Variants in XKR9 observed in about 807,000 individuals in gnomAD.
The protein encoded by XKR9 is XK related 9.
Under a neutral mutation model 32.0 loss-of-function variants are expected in XKR9, and 32 were observed. The ratio of observed to expected loss-of-function variants is 1.00; its 90% confidence interval spans 0.76 to 1.34. The LOEUF (loss-of-function observed/expected upper bound fraction) is 1.34, where lower values mean the gene tolerates loss of function less well. Ranked by LOEUF, XKR9 falls within the 40% of genes most tolerant of loss-of-function variation. The probability of loss-of-function intolerance (pLI) is 0.00; values close to 1 mark genes in which losing one functional copy is unlikely to be tolerated. For synonymous variants in XKR9, 168 were observed against 143.4 expected, an observed-to-expected ratio of 1.17 and a Z score of -1.22; for missense variants, 546 against 429.7, an observed-to-expected ratio of 1.27 and a Z score of -2.39.
the XKR9 span, among the ~76,000 whole-genome samples, chr8:70,972,698 T>C: frequency 6.6e-6 from 1 of 152,130 alleles, no homozygotes; most frequent in Non-Finnish European, 1.5e-5. Context: ...GTCAAATGCT[T>C]TTTCTGTGTC....
At chr8:70,771,689 C>G (rs1807455822) in intron 2 of XKR9, among the ~76,000 whole-genome samples, 1 of 152,074 alleles carries the variant, frequency 6.6e-6, no homozygotes, top group South Asian at 2.1e-4. Flanking sequence ...AAAATGTGGC[C>G]TATGTTCTTT....
intron 4 of XKR9, among the ~76,000 whole-genome samples, chr8:70,720,816 A>G (rs1806254131): frequency 6.6e-6 from 1 of 152,184 alleles, no homozygotes; most frequent in African/African-American, 2.4e-5. Context: ...GCTTGCCTAT[A>G]AAATGAGTTA....
chr8:70,701,512 A>G (rs1284062863), intron 3 of XKR9, among the ~76,000 whole-genome samples: 2 of 152,174 alleles, frequency 1.3e-5, no homozygotes, highest in Admixed American at 1.3e-4. Flanking sequence ...TGGCCACTTC[A>G]CATCCCCACC....
intron 4 of XKR9, among the ~76,000 whole-genome samples, chr8:70,725,557 T>C (rs1414914732): frequency 6.6e-6 from 1 of 152,128 alleles, no homozygotes; most frequent in Non-Finnish European, 1.5e-5. Context: ...CCATTTTTCT[T>C]ATATACTCTG....
At chr8:70,814,538 G>T in the XKR9 span, among the ~76,000 whole-genome samples, 1 of 151,254 alleles carries the variant, frequency 6.6e-6, no homozygotes, top group Non-Finnish European at 1.5e-5. Flanking sequence ...AGAAACATTT[G>T]ACAAATTACA....
downstream of XKR9, among the ~76,000 whole-genome samples, chr8:70,738,384 C>T (rs904140876): frequency 6.8e-5 from 10 of 147,956 alleles, no homozygotes; most frequent in Non-Finnish European, 9.1e-5. Context: ...GTCTTGCTAG[C>T]GGTCTATCAA....
At chr8:70,789,529 CA>C (rs1476655327) in intron 3 of XKR9, 1 of 151,852 alleles carries the variant, frequency 6.6e-6, no homozygotes, top group East Asian at 1.9e-4. Context: ...CACAGTGGTA[CA>C]AAAGAATGAA....
chr8:70,755,074 A>G (rs1807199934), intron 2 of XKR9, among the ~76,000 whole-genome samples: 1 of 152,186 alleles, frequency 6.6e-6, no homozygotes, highest in Non-Finnish European at 1.5e-5. Flanking sequence ...CAAGAAAAAA[A>G]CAACCCCATC....
At chr8:70,782,770 A>G (rs1217444275) in intron 2 of XKR9, among the ~76,000 whole-genome samples, 1 of 152,094 alleles carries the variant, frequency 6.6e-6, no homozygotes, top group African/African-American at 2.4e-5. Context: ...TTTTTAAAAG[A>G]CTGAATAGTA....
the XKR9 span, among the ~76,000 whole-genome samples, chr8:70,946,028 G>A: frequency 1.3e-5 from 2 of 152,096 alleles, no homozygotes; most frequent in Non-Finnish European, 2.9e-5. Flanking sequence ...CCAGCTACTC[G>A]GGAGGCTGAG....
chr8:70,983,447 G>T, the XKR9 span, among the ~76,000 whole-genome samples: 1 of 152,154 alleles, frequency 6.6e-6, no homozygotes, highest in Non-Finnish European at 1.5e-5. Flanking sequence ...TGCTCATTAA[G>T]CTCTCCCCAG....
At chr8:70,798,076 G>C in the XKR9 span, among the ~76,000 whole-genome samples, 2 of 152,134 alleles carry the variant, frequency 1.3e-5, no homozygotes, top group Non-Finnish European at 2.9e-5. Flanking sequence ...CTCAGTAATG[G>C]GATTTCTGGG....
the XKR9 span, among the ~76,000 whole-genome samples, chr8:70,945,125 A>G: frequency 3.3e-5 from 5 of 152,234 alleles, no homozygotes; most frequent in African/African-American, 1.2e-4. Context: ...TTACACTGTA[A>G]TACTTTATCA....
chr8:70,893,096 T>G, the XKR9 span, among the ~76,000 whole-genome samples: 9 of 152,170 alleles, frequency 5.9e-5, no homozygotes, highest in African/African-American at 2.2e-4. Context: ...GACCTTTTTC[T>G]CTTGATCAAA....
the XKR9 span, among the ~76,000 whole-genome samples, chr8:70,857,998 C>T: frequency 6.6e-6 from 1 of 152,188 alleles, no homozygotes; most frequent in Admixed American, 6.6e-5. Flanking sequence ...TGAAAACCCA[C>T]AGCCAATAGC....
intron 2 of XKR9, among the ~76,000 whole-genome samples, chr8:70,751,263 G>A (rs1292984631): frequency 6.6e-6 from 1 of 152,162 alleles, no homozygotes; most frequent in African/African-American, 2.4e-5. Flanking sequence ...CCAAGTAGCT[G>A]GGATTACAGG....
the XKR9 span, among the ~76,000 whole-genome samples, chr8:70,937,741 A>C: frequency 6.6e-6 from 1 of 152,204 alleles, no homozygotes; most frequent in South Asian, 2.1e-4. Context: ...GTTAATAAGT[A>C]GGAAAACCAG....
chr8:70,901,948 T>C, the XKR9 span, among the ~76,000 whole-genome samples: 2 of 152,336 alleles, frequency 1.3e-5, no homozygotes, highest in South Asian at 4.1e-4. Context: ...TTGTCAGGTT[T>C]GTCAAAGATC....
At chr8:71,019,114 G>A in the XKR9 span, among the ~76,000 whole-genome samples, 1 of 152,014 alleles carries the variant, frequency 6.6e-6, no homozygotes, top group East Asian at 1.9e-4. Context: ...GATCCAAGGG[G>A]GAAATACCTT....
Sources: gnomAD v4.1 joint callset for allele counts (sites outside exome capture counted in the v4.1 genomes callset) on GRCh38, gnomAD v4.1.1 for gene constraint, MANE v1.5 for transcripts, NCBI Gene and HGNC (gene_info 2026-07-23, HGNC 2026-07-21) for gene names.